RIN2: variants seen among roughly 807,000 people sequenced by gnomAD.
RIN2 encodes Ras and Rab interactor 2, also known as RAB5 interacting protein 2.
Under a neutral mutation model 78.0 loss-of-function variants are expected in RIN2, and 36 were observed. The ratio of observed to expected loss-of-function variants is 0.46; its 90% confidence interval spans 0.35 to 0.61. RIN2 has a LOEUF of 0.61. RIN2 is among the 20% of genes least tolerant of loss of function. The pLI is 0.00. For missense variants in RIN2, 1,087 were observed against 1,159.7 expected, an observed-to-expected ratio of 0.94 and a Z score of 0.91; for synonymous variants, 466 against 466.8, an observed-to-expected ratio of 1.00 and a Z score of 0.02.
At chr20:19,783,398 C>T (rs2034573219) in intron 1 of RIN2, among the ~76,000 whole-genome samples, 1 of 152,118 alleles carries the variant, frequency 6.6e-6, no homozygotes, top group East Asian at 1.9e-4. Flanking sequence ...CTCATCAGGG[C>T]CTTCTCCTGA....
chr20:19,958,025 T>G (rs2041610070), intron 5 of RIN2, among the ~76,000 whole-genome samples: 1 of 152,196 alleles, frequency 6.6e-6, no homozygotes, highest in East Asian at 1.9e-4. Flanking sequence ...AAAATCCCAT[T>G]AGTAGCTAGC....
At chr20:19,888,851 G>T (rs530247526) in intron 2 of RIN2, among the ~76,000 whole-genome samples, 9 of 152,282 alleles carry the variant, frequency 5.9e-5, no homozygotes, top group Admixed American at 2.6e-4. Flanking sequence ...AGAATTATTG[G>T]GATCTGATGC....
At chr20:19,856,437 G>A (rs2037168160) in intron 2 of RIN2, among the ~76,000 whole-genome samples, 1 of 152,016 alleles carries the variant, frequency 6.6e-6, no homozygotes, top group African/African-American at 2.4e-5. Context: ...AGAGGCTGAG[G>A]TGGGAGGATC....
intron 1 of RIN2, among the ~76,000 whole-genome samples, chr20:19,785,315 A>T (rs2034641433): frequency 6.6e-6 from 1 of 152,008 alleles, no homozygotes; most frequent in Non-Finnish European, 1.5e-5. Flanking sequence ...AGCAAAAGAA[A>T]ACTAATGACA....
intron 2 of RIN2, among the ~76,000 whole-genome samples, chr20:19,803,516 T>C (rs1239289892): frequency 6.6e-6 from 1 of 152,164 alleles, no homozygotes; most frequent in South Asian, 2.1e-4. Flanking sequence ...TAATAAACGG[T>C]ACTAGGAAAA....
chr20:19,912,457 T>TTTTTTC (rs1182971523), intron 3 of RIN2, among the ~76,000 whole-genome samples: 2 of 147,106 alleles, frequency 1.4e-5, no homozygotes, highest in Middle Eastern at 3.5e-3. Context: ...TGGTCATTTC[T>TTTTTTC]TTTTTCTTTT....
intron 4 of RIN2, among the ~76,000 whole-genome samples, chr20:19,954,616 AG>A (rs1249882407): frequency 1.3e-5 from 2 of 152,168 alleles, no homozygotes; most frequent in Non-Finnish European, 2.9e-5. Context: ...CCTGTGGTCC[AG>A]GGCTGCCAAG....
At chr20:19,840,088 T>G (rs536157720) in intron 2 of RIN2, among the ~76,000 whole-genome samples, 2 of 152,386 alleles carry the variant, frequency 1.3e-5, no homozygotes, top group Admixed American at 1.3e-4. Context: ...CTTCCAGCTT[T>G]ATTGTATTCC....
At chr20:19,842,387 CT>C (rs139642869) in intron 2 of RIN2, among the ~76,000 whole-genome samples, 37 of 46,186 alleles carry the variant, frequency 8.0e-4, no homozygotes, top group African/African-American at 9.3e-4. Flanking sequence ...CCATCCCTGG[CT>C]TTTTTTTTTT....
intron 2 of RIN2, among the ~76,000 whole-genome samples, chr20:19,841,160 G>A (rs764140463): frequency 7.9e-5 from 12 of 152,012 alleles, no homozygotes; most frequent in Non-Finnish European, 1.8e-4. Context: ...ATAGCACATT[G>A]CAGCCTCAAA....
At chr20:19,980,422 C>T (rs184325585) in intron 9 of RIN2, among the ~76,000 whole-genome samples, 1 of 152,134 alleles carries the variant, frequency 6.6e-6, no homozygotes, top group African/African-American at 2.4e-5. Context: ...TGACCCTGAG[C>T]CCCTGACTCC....
chr20:19,988,371 C>T (rs1051105995), intron 9 of RIN2, among the ~76,000 whole-genome samples: 1 of 152,210 alleles, frequency 6.6e-6, no homozygotes, highest in African/African-American at 2.4e-5. Flanking sequence ...CTGCCCACCC[C>T]AGCCTCCCAA....
chr20:19,865,236 C>A (rs2037466662), intron 2 of RIN2, among the ~76,000 whole-genome samples: 1 of 152,170 alleles, frequency 6.6e-6, no homozygotes, highest in Admixed American at 6.6e-5. Flanking sequence ...ATATTTTGGT[C>A]CCAGCATGTC....
intron 4 of RIN2, 88 bp downstream of exon 4, chr20:19,935,287 C>G: frequency 7.5e-7 from 1 of 1,327,926 alleles, no homozygotes; most frequent in Non-Finnish European, 1.0e-6. Flanking sequence ...AGTCACTCCT[C>G]AGAAGTCTGG....
intron 7 of RIN2, among the ~76,000 whole-genome samples, chr20:19,968,689 A>C (rs995960656): frequency 6.6e-6 from 1 of 152,224 alleles, no homozygotes; most frequent in Non-Finnish European, 1.5e-5. Context: ...TGAGCAAGGT[A>C]AAAGCTTAAT....
At chr20:19,955,061 C>T (rs902760807) in intron 4 of RIN2, among the ~76,000 whole-genome samples, 1 of 152,186 alleles carries the variant, frequency 6.6e-6, no homozygotes, top group Non-Finnish European at 1.5e-5. Context: ...CAGAACATTT[C>T]CATCACCCTG....
intron 12 of RIN2, among the ~76,000 whole-genome samples, chr20:19,999,523 C>T (rs1249516241): frequency 2.0e-5 from 3 of 152,144 alleles, no homozygotes; most frequent in African/African-American, 7.2e-5. Flanking sequence ...GCAGGGTTGC[C>T]AGATTTAGCA....
At chr20:19,840,764 A>G (rs1175115003) in intron 2 of RIN2, among the ~76,000 whole-genome samples, 3 of 152,192 alleles carry the variant, frequency 2.0e-5, no homozygotes, top group Non-Finnish European at 4.4e-5. Context: ...TTTTTCATGC[A>G]TGTTCCACAA....
At chr20:19,959,793 T>C (rs776834866) in intron 5 of RIN2, among the ~76,000 whole-genome samples, 1 of 152,190 alleles carries the variant, frequency 6.6e-6, no homozygotes, top group Non-Finnish European at 1.5e-5. Context: ...TCAGCTGGGC[T>C]GCCACACGCC....
Sources: gnomAD v4.1 joint callset for allele counts (sites outside exome capture counted in the v4.1 genomes callset) on GRCh38, gnomAD v4.1.1 for gene constraint, MANE v1.5 for transcripts, NCBI Gene and HGNC (gene_info 2026-07-23, HGNC 2026-07-21) for gene names.